Variants in SLC4A4 observed in about 807,000 individuals in gnomAD.
The protein encoded by SLC4A4 is solute carrier family 4 member 4.
SLC4A4 carries 27 observed loss-of-function variants against 111.5 expected under a neutral mutation model. The observed-to-expected ratio is 0.24, with a 90% confidence interval of 0.18 to 0.33. SLC4A4 has a LOEUF of 0.33. Ranked by LOEUF, SLC4A4 falls within the 10% of genes least tolerant of loss-of-function variation. The probability of loss-of-function intolerance (pLI) is 1.00; values close to 1 mark genes in which losing one functional copy is unlikely to be tolerated. For missense variants in SLC4A4, 909 were observed against 1,315.5 expected (o/e 0.69, Z 4.78); for synonymous variants, 443 against 463.4 (o/e 0.96, Z 0.57).
chr4:71,063,348 A>G (rs961256437), intron 1 of SLC4A4, among the ~76,000 whole-genome samples: 78 of 152,262 alleles, frequency 5.1e-4, no homozygotes, highest in Admixed American at 2.5e-3. Flanking sequence ...ATTAAACGTC[A>G]GGTTATATGT....
At chr4:71,444,765 G>A (rs904598053) in intron 8 of SLC4A4, among the ~76,000 whole-genome samples, 2 of 152,148 alleles carry the variant, frequency 1.3e-5, no homozygotes, top group Admixed American at 6.5e-5. Context: ...CAGTTTTCTC[G>A]GATTTCTCAT....
intron 3 of SLC4A4, among the ~76,000 whole-genome samples, chr4:71,263,600 CT>C (rs1722027749): frequency 6.6e-6 from 1 of 152,136 alleles, no homozygotes; most frequent in Admixed American, 6.5e-5. Flanking sequence ...AACCTAAATC[CT>C]TACTGAAAAG....
At chr4:71,182,484 G>A (rs1745323335), upstream of SLC4A4, among the ~76,000 whole-genome samples, 1 of 152,110 alleles carries the variant, frequency 6.6e-6, no homozygotes. Flanking sequence ...ACGGTAATAG[G>A]CCAGTTGGAT....
chr4:71,474,693 T>C (rs1430473478), intron 14 of SLC4A4, among the ~76,000 whole-genome samples: 1 of 148,314 alleles, frequency 6.7e-6, no homozygotes, highest in African/African-American at 2.5e-5. Flanking sequence ...CACATTAAAA[T>C]AAAACCCATA....
At chr4:71,236,452 A>G in intron 1 of SLC4A4, 124 bp from the exon 2 acceptor site, 1 of 879,302 alleles carries the variant, frequency 1.1e-6, no homozygotes, top group South Asian at 1.5e-5. Context: ...CCAGAAGAAG[A>G]GTGACTCTGC....
intron 15 of SLC4A4, among the ~76,000 whole-genome samples, chr4:71,497,049 T>C (rs1730475725): frequency 6.6e-6 from 1 of 152,128 alleles, no homozygotes; most frequent in South Asian, 2.1e-4. Flanking sequence ...GTTAACCTAT[T>C]ACAACTTTTA....
chr4:71,086,732 G>C (rs980142205), intron 1 of SLC4A4, among the ~76,000 whole-genome samples: 2 of 152,058 alleles, frequency 1.3e-5, no homozygotes, highest in African/African-American at 4.8e-5. Context: ...TGTTGAACCA[G>C]CCTTGCATCC....
intron 18 of SLC4A4, among the ~76,000 whole-genome samples, chr4:71,538,786 G>T (rs754201087): frequency 1.3e-5 from 2 of 151,952 alleles, no homozygotes; most frequent in Non-Finnish European, 2.9e-5. Flanking sequence ...ATGTAGGAAC[G>T]CCAAGACACT....
intron 2 of SLC4A4, among the ~76,000 whole-genome samples, chr4:71,180,481 C>T (rs1376519323): frequency 1.3e-5 from 2 of 152,150 alleles, no homozygotes; most frequent in African/African-American, 4.8e-5. Flanking sequence ...CCAGAATCTA[C>T]ATTGAACTCC....
rs146864046 is a variant in SLC4A4, at chr4:71,174,164, T to A, written c.-1-62412T>A. 7.9e-5 allele frequency among the ~76,000 whole-genome samples: 12 copies of A among 151,212 alleles called. No individual in the cohort carries two copies. The East Asian group carries it at 2.3e-3, about 29-fold the overall frequency. ...GTTTGAAAAGATGGAACCAATTTCCTTTTTTTTTCCTAGCCACATCTCTTA... is the reference window on the plus strand; with the variant it reads ...GTTTGAAAAGATGGAACCAATTTCCATTTTTTTTCCTAGCCACATCTCTTA... On this transcript the variant is annotated intron_variant, in intron 2 of 26. Coordinates refer to the SLC4A4 transcript ENST00000649996.
intron 3 of SLC4A4, among the ~76,000 whole-genome samples, chr4:71,262,006 T>G (rs1389938265): frequency 6.6e-6 from 1 of 152,132 alleles, no homozygotes; most frequent in East Asian, 1.9e-4. Flanking sequence ...GTGAAGTAAA[T>G]GGGGTATAAA....
chr4:71,064,610 C>T (rs1273745497), intron 1 of SLC4A4, among the ~76,000 whole-genome samples: 1 of 152,098 alleles, frequency 6.6e-6, no homozygotes, highest in Non-Finnish European at 1.5e-5. Flanking sequence ...GGAAGGCCAT[C>T]GCAGGAGTAA....
At chr4:71,478,871 A>G (rs1048563269) in intron 14 of SLC4A4, among the ~76,000 whole-genome samples, 4 of 151,798 alleles carry the variant, frequency 2.6e-5, no homozygotes, top group Non-Finnish European at 5.9e-5. Flanking sequence ...AACAAAAGTG[A>G]GAGTTTCATT....
chr4:71,368,514 G>T (rs968310114), intron 6 of SLC4A4, among the ~76,000 whole-genome samples: 1 of 152,184 alleles, frequency 6.6e-6, no homozygotes, highest in Non-Finnish European at 1.5e-5. Context: ...TATTTCAGAA[G>T]TGAAAGTATG....
chr4:71,064,605 G>A (rs1001118075), intron 1 of SLC4A4, among the ~76,000 whole-genome samples: 3 of 152,164 alleles, frequency 2.0e-5, no homozygotes, highest in African/African-American at 7.2e-5. Flanking sequence ...TGGAAGGAAG[G>A]CCATCGCAGG....
At chr4:71,101,274 CA>C (rs1320746294) in intron 2 of SLC4A4, among the ~76,000 whole-genome samples, 1 of 151,478 alleles carries the variant, frequency 6.6e-6, no homozygotes, top group South Asian at 2.1e-4. Context: ...AACAAAAAAA[CA>C]AAAAAAATTC....
intron 1 of SLC4A4, among the ~76,000 whole-genome samples, chr4:71,071,717 C>G (rs1048285379): frequency 6.6e-6 from 1 of 152,134 alleles, no homozygotes; most frequent in African/African-American, 2.4e-5. Context: ...TTATTTAACT[C>G]TACTATCTTG....
intron 7 of SLC4A4, among the ~76,000 whole-genome samples, chr4:71,433,158 C>T (rs1723797964): frequency 6.6e-6 from 1 of 151,936 alleles, no homozygotes; most frequent in Non-Finnish European, 1.5e-5. Flanking sequence ...CTCAAAACCT[C>T]ACACAACTTC....
At chr4:71,279,101 ATTC>A (rs1457950527) in intron 3 of SLC4A4, among the ~76,000 whole-genome samples, 1 of 152,192 alleles carries the variant, frequency 6.6e-6, no homozygotes, top group Non-Finnish European at 1.5e-5. Flanking sequence ...CTTAAGATCT[ATTC>A]TTTTAGGAAT....
Sources: gnomAD v4.1 joint callset for allele counts (sites outside exome capture counted in the v4.1 genomes callset) on GRCh38, gnomAD v4.1.1 for gene constraint, MANE v1.5 for transcripts, NCBI Gene and HGNC (gene_info 2026-07-23, HGNC 2026-07-21) for gene names.